QPCT: variants seen among roughly 807,000 people sequenced by gnomAD.
QPCT encodes the protein EC.
QPCT carries 44 observed loss-of-function variants against 43.4 expected under a neutral mutation model. The ratio of observed to expected loss-of-function variants is 1.01; its 90% CI spans 0.80 to 1.30. The LOEUF (loss-of-function observed/expected upper bound fraction) is 1.30, where lower values mean the gene tolerates loss of function less well. Ranked by LOEUF, QPCT falls within the 50% of genes most tolerant of loss-of-function variation. QPCT has a pLI of 0.00. For missense variants in QPCT, 526 were observed against 436.5 expected (o/e 1.21, Z -1.83); for synonymous variants, 168 against 168.4 (o/e 1.00, Z 0.02).
chr2:37,360,221 A>T (rs1239010477), intron 3 of QPCT, among the ~76,000 whole-genome samples: 1 of 152,238 alleles, frequency 6.6e-6, no homozygotes, highest in Non-Finnish European at 1.5e-5. Context: ...GCCATGAAAC[A>T]TCACAACCTT....
chr2:37,371,859 C>T (rs1356289036), intron 5 of QPCT, among the ~76,000 whole-genome samples: 1 of 152,192 alleles, frequency 6.6e-6, no homozygotes, highest in Non-Finnish European at 1.5e-5. Context: ...GGTCAGACAT[C>T]ACACTTTGAG....
At chr2:37,365,049 A>G (rs1199114402) in intron 3 of QPCT, among the ~76,000 whole-genome samples, 1 of 149,022 alleles carries the variant, frequency 6.7e-6, no homozygotes, top group African/African-American at 2.4e-5. Context: ...TAAAAATTTT[A>G]TATATATAAC....
At chr2:37,353,311 A>C (rs557903328) in intron 2 of QPCT, among the ~76,000 whole-genome samples, 1 of 152,332 alleles carries the variant, frequency 6.6e-6, no homozygotes, top group Admixed American at 6.5e-5. Context: ...TTGTACTGTC[A>C]GGCCATCACT....
chr2:37,366,028 G>A (rs1302149232), intron 3 of QPCT, among the ~76,000 whole-genome samples: 1 of 152,234 alleles, frequency 6.6e-6, no homozygotes, highest in Non-Finnish European at 1.5e-5. Flanking sequence ...GACAAAGGCA[G>A]AAAGGGGCAA....
At chr2:37,367,675 C>G (rs767123011) in intron 4 of QPCT, among the ~76,000 whole-genome samples, 5 of 151,864 alleles carry the variant, frequency 3.3e-5, no homozygotes, top group Non-Finnish European at 5.9e-5. Context: ...AGTTCGAGAC[C>G]AGACTGGGCA....
At chr2:37,347,384 G>A (rs1475914889) in intron 1 of QPCT, among the ~76,000 whole-genome samples, 1 of 150,552 alleles carries the variant, frequency 6.6e-6, no homozygotes, top group African/African-American at 2.5e-5. Flanking sequence ...TTTGGCTTAA[G>A]CCCTGATCTC....
intron 1 of QPCT, among the ~76,000 whole-genome samples, chr2:37,349,262 A>G (rs1407416595): frequency 6.6e-6 from 1 of 152,164 alleles, no homozygotes; most frequent in African/African-American, 2.4e-5. Context: ...TGAGCCCAGG[A>G]GGTTGAGGAG....
At position 37,352,924 on chromosome 2, in the gene QPCT, G is replaced by A. The variant is rs764678443; in HGVS notation, c.256G>A (p.Ala86Thr). 8.7e-6 allele frequency: 14 copies of A among 1,613,566 alleles called. No individual in the cohort carries two copies. In the South Asian group the frequency reaches 1.5e-4, roughly 18 times the overall value. ...ERYPGSPGSY[A>T]ARQHIMQRIQ... The stretch of plus-strand genomic sequence containing the variant: ...ATACCCGGGATCCCCTGGAAGCTAT[G>A]CTGCTCGTCAGGTGAGAACATGGGA... The change falls in exon 2 of 7, where the codon GCT becomes ACT. Residue 86 changes from alanine (A) to threonine (T), a missense_variant. Coordinates refer to ENST00000338415, the MANE Select transcript of QPCT (RefSeq NM_012413.4).
chr2:37,362,369 G>A (rs1419431387), intron 3 of QPCT, among the ~76,000 whole-genome samples: 1 of 152,152 alleles, frequency 6.6e-6, no homozygotes, highest in African/African-American at 2.4e-5. Flanking sequence ...GAGAAAATCT[G>A]TTTAATTATT....
At chr2:37,359,104 G>A (rs114251190) in intron 2 of QPCT, among the ~76,000 whole-genome samples, 9 of 152,222 alleles carry the variant, frequency 5.9e-5, no homozygotes, top group South Asian at 4.1e-4. Context: ...TACTATTACC[G>A]AACTGCATCT....
chr2:37,367,641 G>T (rs113146269), intron 4 of QPCT, among the ~76,000 whole-genome samples: 1,646 of 152,290 alleles, frequency 0.011, 29 homozygotes, highest in African/African-American at 0.038. Flanking sequence ...GGAGGTTGAG[G>T]TGGGAGGATC....
intron 4 of QPCT, among the ~76,000 whole-genome samples, chr2:37,367,940 C>A (rs772184795): frequency 6.6e-6 from 1 of 152,132 alleles, no homozygotes; most frequent in African/African-American, 2.4e-5. Flanking sequence ...ATGATAAAAT[C>A]ATGTAAAAAA....
At position 37,367,308 on chromosome 2, in the gene QPCT, C is replaced by A; in HGVS notation, c.623C>A (p.Ser208Tyr). The A allele has an allele frequency of 6.2e-7, 1 of 1,614,028 alleles. No individual in the cohort carries two copies. Among genetic ancestry groups the A allele is most frequent in the Non-Finnish European group, 8.5e-7 (1 of 1,179,944 alleles). ...GGTGAAGAGGCTTTTCTTCACTGGT[C>A]TCCTCAAGATTCTCTCTATGGGTCT... ...FDGEEAFLHW[S>Y]PQDSLYGSRH... The change falls in exon 4 of 7, where the codon TCT becomes TAT. Residue 208 changes from serine (S) to tyrosine (Y), a missense_variant. By Grantham distance (144) the Ser-to-Tyr change is moderately radical. Coordinates refer to ENST00000338415, the MANE Select transcript of QPCT (RefSeq NM_012413.4).
intron 2 of QPCT, 44 bp downstream of exon 2, chr2:37,352,979 G>A (rs1405602062): frequency 1.3e-6 from 2 of 1,582,932 alleles, no homozygotes; most frequent in Non-Finnish European, 8.6e-7. Flanking sequence ...TGAATACTGT[G>A]CTTTCTCATG....
chr2:37,372,307 T>G (rs943186182), intron 5 of QPCT, 49 bp from the exon 6 acceptor site: 2 of 1,292,962 alleles, frequency 1.5e-6, no homozygotes, highest in African/African-American at 1.5e-5. Context: ...TTATGAGTCT[T>G]GATAAGATAA....
intron 2 of QPCT, among the ~76,000 whole-genome samples, chr2:37,356,341 T>A (rs984617632): frequency 6.6e-6 from 1 of 152,222 alleles, no homozygotes. Context: ...ACTTTTTCTC[T>A]TTCTCCCTTT....
At chr2:37,353,929 A>G (rs1436759919) in intron 2 of QPCT, among the ~76,000 whole-genome samples, 2 of 152,012 alleles carry the variant, frequency 1.3e-5, no homozygotes, top group Non-Finnish European at 2.9e-5. Flanking sequence ...CAGTGGCGCG[A>G]TCTCGGTTCC....
chr2:37,344,879 C>A, intron 1 of QPCT, 28 bp downstream of exon 1: 1 of 1,555,422 alleles, frequency 6.4e-7, no homozygotes, highest in Non-Finnish European at 8.7e-7. Context: ...CGTAGTTGTA[C>A]TTGAGCGGCT....
In QPCT at chr2:37,372,722, A is replaced by G; in HGVS notation, c.981A>G (p.Glu327=). ...VLHLIPSPFP[E]VWHTMDDNEE... ...ATCTGATACCGTCTCCTTTCCCTGA[A>G]GTCTGGCACACCATGGATGACAATG... The change falls in exon 7 of 7, where the codon GAA becomes GAG. Residue 327 remains glutamate, a synonymous_variant. Transcript: ENST00000338415. 1 of 1,613,740 alleles carries G rather than the reference A, an allele frequency of 6.2e-7. No homozygotes were observed. The highest frequency in any genetic ancestry group is 8.5e-7 in the Non-Finnish European group (1 of 1,179,774).
Sources: allele counts gnomAD v4.1 joint callset (sites outside exome capture counted in the v4.1 genomes callset), GRCh38; gene constraint gnomAD v4.1.1; transcripts MANE v1.5; gene names NCBI Gene and HGNC (gene_info 2026-07-23, HGNC 2026-07-21).